MALL: variants seen among roughly 807,000 people sequenced by gnomAD.
MALL encodes MAL-like protein.
A neutral mutation model predicts 10.3 loss-of-function variants in MALL; 2 were observed. That is an observed-to-expected ratio of 0.19 (90% CI 0.08 to 0.61). The LOEUF is 0.61. Ranked by LOEUF, MALL falls within the 20% of genes least tolerant of loss-of-function variation. The probability of loss-of-function intolerance (pLI) is 0.88; values close to 1 mark genes in which losing one functional copy is unlikely to be tolerated. For synonymous variants in MALL, 27 were observed against 51.8 expected, an observed-to-expected ratio of 0.52 and a Z score of 2.05; for missense variants, 39 against 115.2, an observed-to-expected ratio of 0.34 and a Z score of 3.03.
intron 1 of MALL, among the ~76,000 whole-genome samples, chr2:110,107,232 C>A (rs1455370814): frequency 6.6e-6 from 1 of 152,136 alleles, no homozygotes; most frequent in Non-Finnish European, 1.5e-5. Context: ...GGCTCTGATA[C>A]TGTACTACTG....
chr2:110,095,406 C>G (rs569867226), intron 1 of MALL, among the ~76,000 whole-genome samples: 7 of 152,164 alleles, frequency 4.6e-5, no homozygotes, highest in Middle Eastern at 3.4e-3. Context: ...TTCTTATAAG[C>G]AAACACACAC....
chr2:110,113,902 A>T lies in MALL; in HGVS notation c.105+1786T>A, dbSNP rs557603950. 6.6e-5 allele frequency among the ~76,000 whole-genome samples: 10 copies of T among 152,278 alleles called. 2 individuals are homozygous for T. The South Asian group carries it at 2.1e-3, about 32-fold the overall frequency. Reference sequence around the variant, plus strand: ...CTACTATTATTGCAGCTTTACTGTAAATCTCACGTTACTTAACAGTACAAA... The same window carrying T: ...CTACTATTATTGCAGCTTTACTGTATATCTCACGTTACTTAACAGTACAAA... On this transcript the variant is annotated intron_variant, in intron 1 of 3. Coordinates refer to ENST00000272462, the MANE Select transcript of MALL (RefSeq NM_005434.5).
At chr2:110,116,547 G>C (rs114562935), upstream of MALL, 1,676 of 152,650 alleles carry the variant, frequency 0.011, 18 homozygotes, top group Middle Eastern at 0.03. Flanking sequence ...GGGCTGGGCT[G>C]GCTGGCTGCT....
Position 110,091,811 on chromosome 2 carries a change from G to C in MALL, c.106-41C>G, listed in dbSNP as rs369400277. The C allele has an allele frequency of 6.4e-4, 972 of 1,528,346 alleles. No individual in the cohort carries two copies. In the African/African-American group the frequency reaches 0.013, roughly 20 times the overall value. 94.7% of individuals were successfully genotyped at this position (1,528,346 alleles called of 1,614,324 possible). A position where few individuals can be genotyped will look rare whatever the true frequency, so the allele number is the denominator to read the frequency against. On this transcript the variant is annotated intron_variant, in intron 1 of 3. Transcript: ENST00000272462. ...ATAAAAGAAGGGGCTTCATTAGCTA[G>C]TGTGGAGTATGTTTCCCTTTGCAGG...
chr2:110,100,121 C>A (rs1433399902), intron 1 of MALL, among the ~76,000 whole-genome samples: 1 of 152,082 alleles, frequency 6.6e-6, no homozygotes, highest in East Asian at 1.9e-4. Context: ...CTGGGACTGG[C>A]AAACTATGAG....
At chr2:110,112,322 G>A (rs534383153) in intron 1 of MALL, among the ~76,000 whole-genome samples, 14 of 152,198 alleles carry the variant, frequency 9.2e-5, no homozygotes, top group East Asian at 1.9e-4. Context: ...GAAAATCTTC[G>A]CAATCTGTAC....
intron 1 of MALL, among the ~76,000 whole-genome samples, chr2:110,099,205 G>A (rs1574031764): frequency 6.6e-6 from 1 of 152,086 alleles, no homozygotes; most frequent in African/African-American, 2.4e-5. Flanking sequence ...AGGGGATCTC[G>A]AAAAGGACAC....
chr2:110,097,624 T>G (rs762906367), intron 1 of MALL: 6 of 447,814 alleles, frequency 1.3e-5, no homozygotes, highest in South Asian at 9.4e-5. Context: ...GTGAAGGATA[T>G]GTCAAAAAGA....
chr2:110,111,682 C>T (rs1678804731), intron 1 of MALL, among the ~76,000 whole-genome samples: 1 of 151,954 alleles, frequency 6.6e-6, no homozygotes, highest in African/African-American at 2.4e-5. Context: ...AAATTCAATG[C>T]AATCCCCATC....
intron 1 of MALL, among the ~76,000 whole-genome samples, chr2:110,098,954 C>T (rs1302471026): frequency 6.6e-6 from 1 of 151,532 alleles, no homozygotes; most frequent in Admixed American, 6.6e-5. Flanking sequence ...GATTGTGCCA[C>T]TGCACTTCAG....
At chr2:110,101,702 C>T (rs890615321) in intron 1 of MALL, among the ~76,000 whole-genome samples, 7 of 152,142 alleles carry the variant, frequency 4.6e-5, no homozygotes, top group South Asian at 2.1e-4. Flanking sequence ...CCCAGCACCA[C>T]GTCCGCCCAT....
At chr2:110,101,973 G>A (rs973194468) in intron 1 of MALL, among the ~76,000 whole-genome samples, 5 of 152,102 alleles carry the variant, frequency 3.3e-5, no homozygotes, top group Admixed American at 6.5e-5. Context: ...ACCGCGGCCC[G>A]GTGGCTGGGC....
At chr2:110,104,354 T>G (rs1678641196) in intron 1 of MALL, among the ~76,000 whole-genome samples, 1 of 152,168 alleles carries the variant, frequency 6.6e-6, no homozygotes, top group Non-Finnish European at 1.5e-5. Context: ...GGTTTCTGTT[T>G]CCTACTGGAC....
At chr2:110,109,489 G>A (rs1396749084) in intron 1 of MALL, among the ~76,000 whole-genome samples, 3 of 152,084 alleles carry the variant, frequency 2.0e-5, no homozygotes, top group Non-Finnish European at 2.9e-5. Flanking sequence ...GGCCTTGTCC[G>A]ACAGAAAAAT....
chr2:110,115,479 T>TCCC (rs1678888117), intron 1 of MALL, among the ~76,000 whole-genome samples: 1 of 71,174 alleles, frequency 1.4e-5, no homozygotes, highest in Non-Finnish European at 2.8e-5. Flanking sequence ...CGCTCCCCGC[T>TCCC]CTCGGTCCGG....
At chr2:110,103,396 G>A (rs1273550342) in intron 1 of MALL, among the ~76,000 whole-genome samples, 6 of 152,136 alleles carry the variant, frequency 3.9e-5, no homozygotes, top group Admixed American at 3.3e-4. Flanking sequence ...GGACGAGGCA[G>A]GGGAGGGGCT....
chr2:110,105,302 A>G (rs1678664044), intron 1 of MALL, among the ~76,000 whole-genome samples: 1 of 151,588 alleles, frequency 6.6e-6, no homozygotes, highest in South Asian at 2.1e-4. Context: ...TTCACATCCA[A>G]CTCCTGTCCC....
Position 110,097,988 on chromosome 2 carries a change from G to A in MALL, c.106-6218C>T, listed in dbSNP as rs557180228. On this transcript the variant is annotated intron_variant, in intron 1 of 3. Transcript: ENST00000272462. ...CTTGTCATCAGCACACAGGTGAGCC[G>A]GGGTCTCCTGGTCCCACCACGGGCC... 2.6e-5 allele frequency among the ~76,000 whole-genome samples: 4 copies of A among 152,060 alleles called. No homozygotes were observed. The South Asian group carries it at 6.2e-4, about 24-fold the overall frequency.
chr2:110,113,650 A>G (rs1389762012), intron 1 of MALL, among the ~76,000 whole-genome samples: 1 of 152,078 alleles, frequency 6.6e-6, no homozygotes, highest in African/African-American at 2.4e-5. Flanking sequence ...CAAGATAAGG[A>G]CCCAGATTTT....
Sources: allele counts gnomAD v4.1 joint callset (sites outside exome capture counted in the v4.1 genomes callset), GRCh38; gene constraint gnomAD v4.1.1; transcripts MANE v1.5; gene names NCBI Gene and HGNC (gene_info 2026-07-23, HGNC 2026-07-21).